The following MAD1L1 variants were observed in gnomAD, a reference collection of about 807,000 sequenced individuals.
MAD1L1 encodes the protein mitotic spindle assembly checkpoint protein MAD1.
In MAD1L1, 95 loss-of-function variants were observed where a neutral mutation model predicts 96.9. That is an observed-to-expected ratio of 0.98 (90% confidence interval 0.83 to 1.16). MAD1L1 has a LOEUF of 1.16. Among genes scored for constraint, MAD1L1 ranks in the 50% most tolerant of loss-of-function variants. The pLI is 0.00. For synonymous variants in MAD1L1, 473 were observed against 396.6 expected, an observed-to-expected ratio of 1.19 and a Z score of -2.29; for missense variants, 1,007 against 954.4, an observed-to-expected ratio of 1.06 and a Z score of -0.73.
chr7:2,132,457 C>G (rs1331410600), intron 11 of MAD1L1, among the ~76,000 whole-genome samples: 1 of 94,024 alleles, frequency 1.1e-5, no homozygotes, highest in Non-Finnish European at 2.5e-5. Flanking sequence ...CGGCCGCGTG[C>G]AGTCGGTCCA....
intron 11 of MAD1L1, among the ~76,000 whole-genome samples, chr7:2,113,548 C>G (rs994614546): frequency 6.6e-6 from 1 of 152,120 alleles, no homozygotes; most frequent in Non-Finnish European, 1.5e-5. Flanking sequence ...CCACTGCACT[C>G]CAGCCTGGGC....
chr7:2,181,268 C>CT (rs1562759516), intron 10 of MAD1L1, among the ~76,000 whole-genome samples: 1 of 152,256 alleles, frequency 6.6e-6, no homozygotes, highest in African/African-American at 2.4e-5. Flanking sequence ...ATTCTCTGCC[C>CT]TTGCCAGGGC....
chr7:1,823,258 T>A (rs1782222723), intron 18 of MAD1L1, among the ~76,000 whole-genome samples: 1 of 152,210 alleles, frequency 6.6e-6, no homozygotes, highest in South Asian at 2.1e-4. Flanking sequence ...CAAATAAAAT[T>A]TAACTCAAAC....
chr7:2,037,609 C>T (rs914631648), intron 12 of MAD1L1, among the ~76,000 whole-genome samples: 6 of 152,124 alleles, frequency 3.9e-5, no homozygotes, highest in Non-Finnish European at 8.8e-5. Context: ...ACTGTACTTC[C>T]GACATTGCAT....
intron 18 of MAD1L1, among the ~76,000 whole-genome samples, chr7:1,870,004 C>G (rs1293956480): frequency 1.3e-5 from 2 of 152,180 alleles, no homozygotes; most frequent in East Asian, 3.9e-4. Context: ...CCCTGCCGTG[C>G]CAACCCGGAG....
chr7:2,091,994 G>C (rs904930271), intron 11 of MAD1L1, among the ~76,000 whole-genome samples: 4 of 152,126 alleles, frequency 2.6e-5, no homozygotes, highest in Admixed American at 2.6e-4. Context: ...AATTCCCGTG[G>C]TTAAGAGCCC....
intron 17 of MAD1L1, among the ~76,000 whole-genome samples, chr7:1,902,394 C>T (rs1787301085): frequency 6.6e-6 from 1 of 152,198 alleles, no homozygotes; most frequent in Admixed American, 6.5e-5. Flanking sequence ...GGAGAGCCAG[C>T]ACACAGCTGT....
chr7:2,207,012 A>G (rs1357772276), intron 10 of MAD1L1, among the ~76,000 whole-genome samples: 1 of 151,548 alleles, frequency 6.6e-6, no homozygotes, highest in Non-Finnish European at 1.5e-5. Flanking sequence ...CAGGAGGCAA[A>G]GGTTGCAGTA....
chr7:2,193,936 A>ATTTTTTTTTTTTT (rs35067993), intron 10 of MAD1L1, among the ~76,000 whole-genome samples: 2 of 82,802 alleles, frequency 2.4e-5, no homozygotes, highest in African/African-American at 9.4e-5. Context: ...CTCTGCATGG[A>ATTTTTTTTTTTTT]TTTTTTTTTT....
chr7:1,989,078 G>T, intron 14 of MAD1L1, among the ~76,000 whole-genome samples: 1 of 152,232 alleles, frequency 6.6e-6, no homozygotes, highest in East Asian at 1.9e-4. Context: ...TTACAAAGTG[G>T]GCAATGGATG....
chr7:2,230,143 C>A lies in MAD1L1; in HGVS notation c.-10G>T. The A allele has an allele frequency of 6.3e-7, 1 of 1,581,420 alleles. No individual in the cohort carries two copies. The highest frequency in any genetic ancestry group is 8.6e-7 in the Non-Finnish European group (1 of 1,163,018). The stretch of plus-strand genomic sequence containing the variant: ...CCCCCAGGTCTTCCATGGTTGCTTT[C>A]CTTCCGGGGACAGACAAAGGACTGG... On this transcript the variant is annotated splice_region_variant and 5_prime_UTR_variant, in exon 3 of 19. Transcript: ENST00000265854.
intron 14 of MAD1L1, among the ~76,000 whole-genome samples, chr7:1,992,981 G>A (rs142330753): frequency 8.5e-5 from 13 of 152,300 alleles, no homozygotes; most frequent in African/African-American, 2.6e-4. Flanking sequence ...AAAATGCTTC[G>A]TACTTAGGAT....
chr7:1,846,186 C>A (rs923922549), intron 18 of MAD1L1: 4 of 152,600 alleles, frequency 2.6e-5, no homozygotes, highest in African/African-American at 9.6e-5. Context: ...CCAGTCTCCC[C>A]CTGCTGCCCT....
chr7:1,897,128 G>A (rs1356890296), intron 18 of MAD1L1, among the ~76,000 whole-genome samples: 2 of 152,264 alleles, frequency 1.3e-5, no homozygotes, highest in African/African-American at 2.4e-5. Flanking sequence ...CTGTGAAGAC[G>A]GGCGGGTTGT....
chr7:1,916,281 G>A (rs1226371556), intron 17 of MAD1L1, among the ~76,000 whole-genome samples: 3 of 152,128 alleles, frequency 2.0e-5, no homozygotes, highest in African/African-American at 7.2e-5. Flanking sequence ...AACGAAAACT[G>A]TATCCACACA....
intron 10 of MAD1L1, among the ~76,000 whole-genome samples, chr7:2,169,245 A>G (rs2128593733): frequency 6.6e-6 from 1 of 152,292 alleles, no homozygotes; most frequent in African/African-American, 2.4e-5. Context: ...GTGAAAATCT[A>G]CAAAGGTAAA....
At chr7:2,130,395 C>G (rs1039178417) in intron 11 of MAD1L1, among the ~76,000 whole-genome samples, 2 of 152,232 alleles carry the variant, frequency 1.3e-5, no homozygotes, top group Non-Finnish European at 2.9e-5. Context: ...AGGGGCACAC[C>G]AGATGAACAG....
chr7:1,887,747 ATG>A (rs1273399812), intron 18 of MAD1L1, among the ~76,000 whole-genome samples: 16 of 99,494 alleles, frequency 1.6e-4, no homozygotes, highest in Admixed American at 1.4e-3. Flanking sequence ...CTTCCTGTGC[ATG>A]TGTCCATGTG....
At chr7:2,195,081 C>G (rs1263714926) in intron 10 of MAD1L1, among the ~76,000 whole-genome samples, 1 of 148,336 alleles carries the variant, frequency 6.7e-6, no homozygotes, top group East Asian at 2.0e-4. Flanking sequence ...CAGCAAGACT[C>G]TGTCTCAAAA....
Sources: allele counts gnomAD v4.1 joint callset (sites outside exome capture counted in the v4.1 genomes callset), GRCh38; gene constraint gnomAD v4.1.1; transcripts MANE v1.5; gene names NCBI Gene and HGNC (gene_info 2026-07-23, HGNC 2026-07-21).